PFKFB2: variants seen among roughly 807,000 people sequenced by gnomAD.
PFKFB2 encodes the protein 6-phosphofructo-2-kinase/fructose-2,6-bisphosphatase 2.
A neutral mutation model predicts 68.0 loss-of-function variants in PFKFB2; 53 were observed. The observed-to-expected ratio is 0.78, with a 90% confidence interval of 0.63 to 0.98. PFKFB2 has a LOEUF of 0.98. PFKFB2 is among the 50% of genes least tolerant of loss of function. The pLI, the probability that PFKFB2 is intolerant of heterozygous loss-of-function variation, is 0.00. For synonymous variants in PFKFB2, 222 were observed against 227.6 expected (o/e 0.98, Z 0.22); for missense variants, 451 against 642.0 (o/e 0.70, Z 3.22).
chr1:207,057,495 G>A (rs1158050342), intron 2 of PFKFB2, among the ~76,000 whole-genome samples: 2 of 148,786 alleles, frequency 1.3e-5, no homozygotes, highest in African/African-American at 2.5e-5. Context: ...AAAAAAAAAA[G>A]CAGAAATGGA....
chr1:207,059,884 A>G (rs1683035300), intron 2 of PFKFB2, among the ~76,000 whole-genome samples: 1 of 152,224 alleles, frequency 6.6e-6, no homozygotes, highest in African/African-American at 2.4e-5. Flanking sequence ...CTGTTTCTTA[A>G]TCTTACAAGG....
intron 1 of PFKFB2, among the ~76,000 whole-genome samples, chr1:207,036,055 A>G (rs1682371980): frequency 6.6e-6 from 1 of 152,096 alleles, no homozygotes; most frequent in South Asian, 2.1e-4. Flanking sequence ...CTCATGTGAG[A>G]ACTTAGAACT....
chr1:207,056,721 G>C (rs1682933238), intron 2 of PFKFB2, among the ~76,000 whole-genome samples: 1 of 151,990 alleles, frequency 6.6e-6, no homozygotes, highest in Non-Finnish European at 1.5e-5. Context: ...AGAAGAAGAA[G>C]GTGTCCTAAA....
At chr1:207,053,688 T>A (rs966087416) in intron 1 of PFKFB2, among the ~76,000 whole-genome samples, 6 of 151,994 alleles carry the variant, frequency 3.9e-5, no homozygotes, top group African/African-American at 1.5e-4. Flanking sequence ...CTTGGGGAAG[T>A]CATTTACCAC....
At position 207,060,926 on chromosome 1, in the gene PFKFB2, T is replaced by G. The variant is rs1185604179; in HGVS notation, c.86-1027T>G. On this transcript the variant is annotated intron_variant, in intron 2 of 14. Coordinates refer to ENST00000367080, the MANE Select transcript of PFKFB2 (RefSeq NM_006212.2). ...AGCAATCCTCCTGAGTAGCTGGGACTATAGGTGCACACTCCCACATCTGGC... is the reference window on the plus strand; with the variant it reads ...AGCAATCCTCCTGAGTAGCTGGGACGATAGGTGCACACTCCCACATCTGGC... The G allele has an allele frequency of 5.8e-5, 8 of 138,284 alleles. No individual in the cohort carries two copies. In the East Asian group the frequency reaches 9.8e-4, roughly 17 times the overall value. 8.6% of individuals were successfully genotyped at this position (138,284 alleles called of 1,614,324 possible). A position where few individuals can be genotyped will look rare whatever the true frequency, so the allele number is the denominator to read the frequency against.
intron 2 of PFKFB2, among the ~76,000 whole-genome samples, chr1:207,042,577 A>AAAAAAAAAAAAAG (rs1682501957): frequency 7.0e-6 from 1 of 143,854 alleles, no homozygotes; most frequent in South Asian, 2.2e-4. Context: ...AAAAAAAAAA[A>AAAAAAAAAAAAAG]AAAAGACTAT....
intron 2 of PFKFB2, among the ~76,000 whole-genome samples, 155 bp from the exon 3 acceptor site, chr1:207,061,798 C>T (rs1572723393): frequency 6.6e-6 from 1 of 152,182 alleles, no homozygotes; most frequent in East Asian, 1.9e-4. Flanking sequence ...GGGAGAATCA[C>T]TTGAACCTGG....
At chr1:207,037,863 A>G (rs1224565083) in intron 1 of PFKFB2, among the ~76,000 whole-genome samples, 1 of 152,238 alleles carries the variant, frequency 6.6e-6, no homozygotes, top group Admixed American at 6.5e-5. Context: ...TATAAAATAG[A>G]GATGATAATA....
At chr1:207,038,216 T>C (rs757881295) in intron 1 of PFKFB2, among the ~76,000 whole-genome samples, 1 of 152,222 alleles carries the variant, frequency 6.6e-6, no homozygotes, top group Non-Finnish European at 1.5e-5. Flanking sequence ...CATTCAACTA[T>C]ATATCGAATG....
chr1:207,062,737 G>T (rs1280461019), intron 4 of PFKFB2, 21 bp downstream of exon 4: 1 of 1,608,548 alleles, frequency 6.2e-7, no homozygotes, highest in Non-Finnish European at 8.5e-7. Flanking sequence ...TTTAAGGCCT[G>T]ATCTCCAGGT....
Position 207,063,708 on chromosome 1 carries a change from A to G in PFKFB2, c.451-65A>G. 1.5e-6 allele frequency: 2 copies of G among 1,328,198 alleles called. No individual in the cohort carries two copies. The highest frequency in any genetic ancestry group is 2.2e-6 in the Non-Finnish European group (2 of 918,964). The allele number at this position is 1,328,198 out of a possible 1,614,324, so 82.3% of individuals were successfully genotyped here. A position where few individuals can be genotyped will look rare whatever the true frequency, so the allele number is the denominator to read the frequency against. ...TGGTGGCTGGGTGGGGTAGATGAGCATGTGCTCTTAATTAACAGCCTGGCA... is the reference window on the plus strand; with the variant it reads ...TGGTGGCTGGGTGGGGTAGATGAGCGTGTGCTCTTAATTAACAGCCTGGCA... On this transcript the variant is annotated intron_variant, in intron 6 of 14. Transcript: ENST00000367080. The surrounding 1 kb of genome is among the most constrained non-coding windows in gnomAD (Gnocchi z 4.1).
intron 2 of PFKFB2, among the ~76,000 whole-genome samples, chr1:207,057,518 C>CT (rs1216937334): frequency 1.9e-4 from 27 of 142,410 alleles, no homozygotes; most frequent in East Asian, 4.1e-4. Flanking sequence ...AATCTACATG[C>CT]TTTTTTTTTT....
At chr1:207,052,079 C>T (rs1467663005), upstream of PFKFB2, 3 of 893,142 alleles carry the variant, frequency 3.4e-6, no homozygotes, top group East Asian at 2.4e-5. Context: ...TTTATCCAGC[C>T]GGGATTCAGA....
chr1:207,057,962 C>A (rs1682980071), intron 2 of PFKFB2, among the ~76,000 whole-genome samples: 1 of 152,192 alleles, frequency 6.6e-6, no homozygotes, highest in East Asian at 1.9e-4. Flanking sequence ...ACATTTGTGA[C>A]AGCAACTTTT....
chr1:207,067,458 C>T (rs774350560), intron 8 of PFKFB2, 41 bp from the exon 9 acceptor site: 3 of 1,419,404 alleles, frequency 2.1e-6, no homozygotes, highest in Admixed American at 3.5e-5. Context: ...ATTCTCAGAT[C>T]TTCTTACCTA....
rs373568677 is a variant in PFKFB2, at chr1:207,068,213, C to T, written c.891C>T (p.Leu297=). The change falls in exon 10 of 15, where the codon CTC becomes CTT. Residue 297 remains leucine, a synonymous_variant. Transcript: ENST00000367080. The part of the protein sequence containing the change: ...KFLEEQEITD[L]KVWTSQLKRT... ...TGGAGGAACAGGAAATAACAGACCT[C>T]AAAGTGTGGACAAGCCAGTTGAAGA... is the stretch of plus-strand genomic sequence containing the variant. 2.5e-6 allele frequency: 4 copies of T among 1,612,794 alleles called. No individual in the cohort carries two copies. Among genetic ancestry groups the T allele is most frequent in the East Asian group, 2.2e-5 (1 of 44,850 alleles).
downstream of PFKFB2, chr1:207,079,329 C>G (rs1683707537): frequency 7.3e-6 from 3 of 412,332 alleles, no homozygotes; most frequent in South Asian, 9.2e-5. Context: ...ATTTAACATC[C>G]TACCTGTGAC....
intron 3 of PFKFB2, 34 bp downstream of exon 3, chr1:207,062,112 A>G: frequency 1.2e-6 from 2 of 1,613,776 alleles, no homozygotes; most frequent in Non-Finnish European, 1.7e-6. Context: ...AAAGACAATT[A>G]TTAGTTCCTG....
intron 13 of PFKFB2, 21 bp from the exon 14 acceptor site, chr1:207,071,488 C>G: frequency 6.2e-7 from 1 of 1,604,946 alleles, no homozygotes; most frequent in Non-Finnish European, 8.5e-7. Flanking sequence ...TTTAAGTCCT[C>G]TCTTTCCTCT....
Sources: allele counts gnomAD v4.1 joint callset (sites outside exome capture counted in the v4.1 genomes callset), GRCh38; gene constraint gnomAD v4.1.1; non-coding constraint Gnocchi (gnomAD v3.1); transcripts MANE v1.5; gene names NCBI Gene and HGNC (gene_info 2026-07-23, HGNC 2026-07-21).